Variants in ERBB2 observed in about 807,000 individuals in gnomAD.
The protein encoded by ERBB2 is receptor tyrosine-protein kinase erbB-2.
In ERBB2, 61 loss-of-function variants were observed where a neutral mutation model predicts 149.0. That is an observed-to-expected ratio of 0.41 (90% confidence interval 0.33 to 0.51). The LOEUF is 0.51. ERBB2 is among the 20% of genes least tolerant of loss of function. The pLI is 0.25. For missense variants in ERBB2, 1,205 were observed against 1,655.1 expected, an observed-to-expected ratio of 0.73 and a Z score of 4.72; for synonymous variants, 633 against 678.8, an observed-to-expected ratio of 0.93 and a Z score of 1.05.
In ERBB2 at chr17:39,725,170, T is replaced by G. The variant is rs2145867039; in HGVS notation, c.2615T>G (p.Ile872Ser). 6.2e-7 allele frequency: 1 copy of G among 1,614,004 alleles called. No individual in the cohort carries two copies. Among genetic ancestry groups the G allele is most frequent in the Non-Finnish European group, 8.5e-7 (1 of 1,180,008 alleles). The change falls in exon 21 of 27, where the codon ATT (isoleucine) becomes AGT (serine). Residue 872 changes from isoleucine (I) to serine (S), a missense_variant. Physicochemically the swap from Ile to Ser is moderately radical, Grantham distance 142. This residue lies in a region of ERBB2 where 152 missense variants were observed against 318.1 expected (regional missense o/e 0.48). Coordinates refer to ENST00000269571, the MANE Select transcript of ERBB2 (RefSeq NM_004448.4). This position sits in a 1 kb window ranked among gnomAD's most constrained non-coding sequence, Gnocchi z 4.6. ...TTCGGGCTGGCTCGGCTGCTGGACATTGACGAGACAGAGTACCATGCAGAT... is the reference window on the plus strand; with the variant it reads ...TTCGGGCTGGCTCGGCTGCTGGACAGTGACGAGACAGAGTACCATGCAGAT... ...TDFGLARLLD[I>S]DETEYHADGG...
Position 39,726,537 on chromosome 17 carries a change from C to T in ERBB2, c.2873-25C>T, listed in dbSNP as rs2143126879. ...GCAAGCACACAGGGCCTGGGACTAG[C>T]ATGCTGACCTCCCTCCTGCCCCAGG... On this transcript the variant is annotated intron_variant, in intron 23 of 26. Coordinates refer to ENST00000269571, the MANE Select transcript of ERBB2 (RefSeq NM_004448.4). This position sits in a 1 kb window ranked among gnomAD's most constrained non-coding sequence, Gnocchi z 5.1. 1 of 1,596,062 alleles carries T rather than the reference C, an allele frequency of 6.3e-7. No homozygotes were observed. The highest frequency in any genetic ancestry group is 1.1e-5 in the South Asian group (1 of 90,644).
chr17:39,722,460 C>T (rs2059502497), intron 16 of ERBB2, among the ~76,000 whole-genome samples: 1 of 151,984 alleles, frequency 6.6e-6, no homozygotes, highest in Non-Finnish European at 1.5e-5. Context: ...CATGATCTCA[C>T]CACTGCACTC....
At chr17:39,694,248 TA>T, upstream of ERBB2, among the ~76,000 whole-genome samples, 1 of 27,236 alleles carries the variant, frequency 3.7e-5, no homozygotes, top group African/African-American at 1.0e-4. Context: ...TATATATATA[TA>T]TATATATATA....
rs1414379494 is a variant in ERBB2 at position 39,725,970 on chromosome 17, T to C, written c.2872+117T>C. 2 of 1,087,766 alleles carry C rather than the reference T, an allele frequency of 1.8e-6. No homozygotes were observed. Among genetic ancestry groups the C allele is most frequent in the East Asian group, 4.9e-5 (2 of 40,876 alleles). The allele number at this position is 1,087,766 out of a possible 1,614,324, so 67.4% of individuals were successfully genotyped here. A position where few individuals can be genotyped will look rare whatever the true frequency, so the allele number is the denominator to read the frequency against. On this transcript the variant is annotated intron_variant, in intron 23 of 26. Transcript: ENST00000269571. This position sits in a 1 kb window ranked among gnomAD's most constrained non-coding sequence, Gnocchi z 4.6. ...ATGTAGACCCAGGAGCCCTAGTATG[T>C]TAGGAGCCTCAAAACCTTCTTGTAT... is the stretch of plus-strand genomic sequence containing the variant.
At chr17:39,719,886 G>A (rs2145752087) in intron 16 of ERBB2, 52 bp downstream of exon 16, 2 of 1,565,922 alleles carry the variant, frequency 1.3e-6, no homozygotes, top group Admixed American at 3.3e-5. Context: ...TCCCCCACTG[G>A]ATGCTGGGTG....
intron 9 of ERBB2, among the ~76,000 whole-genome samples, chr17:39,713,742 G>T (rs1461187340): frequency 1.4e-5 from 2 of 142,396 alleles, no homozygotes; most frequent in Non-Finnish European, 3.0e-5. Context: ...GACAGAGTGA[G>T]ACCCTGTCTC....
rs377602610 is a variant in ERBB2 at position 39,726,986 on chromosome 17, C to T, written c.3142C>T (p.Arg1048Cys). ...GAGGMVHHRH[R>C]SSSTRSGGGD... ...TGGGGGCATGGTCCACCACAGGCAC[C>T]GCAGCTCATCTACCAGGGTCAGTGC... The change falls in exon 25 of 27, where the codon CGC becomes TGC. Residue 1048 changes from arginine to cysteine, a missense_variant. By Grantham distance (180) the Arg-to-Cys change is radical (BLOSUM62 -3). Around this residue, in one of 6 missense-constraint regions of ERBB2, gnomAD observed 312 missense variants for 343.8 expected, o/e 0.91. Coordinates refer to ENST00000269571, the MANE Select transcript of ERBB2 (RefSeq NM_004448.4). This position sits in a 1 kb window ranked among gnomAD's most constrained non-coding sequence, Gnocchi z 5.1. 3.5e-5 allele frequency: 56 copies of T among 1,601,760 alleles called. No individual in the cohort carries two copies. The highest frequency in any genetic ancestry group is 3.1e-4 in the African/African-American group (23 of 74,566).
intron 19 of ERBB2, 101 bp downstream of exon 19, chr17:39,724,111 T>G: frequency 1.3e-6 from 1 of 783,432 alleles, no homozygotes; most frequent in Admixed American, 2.7e-5. Flanking sequence ...GAGATATGAC[T>G]CCCGCAAACC....
At chr17:39,692,562 C>T (rs1041819498), upstream of ERBB2, among the ~76,000 whole-genome samples, 5 of 151,988 alleles carry the variant, frequency 3.3e-5, no homozygotes, top group South Asian at 4.1e-4. Flanking sequence ...TGCGCCTCCA[C>T]GCCTGGCTAA....
chr17:39,702,901 G>T (rs2058193898), intron 1 of ERBB2, among the ~76,000 whole-genome samples: 1 of 152,242 alleles, frequency 6.6e-6, no homozygotes, highest in Admixed American at 6.5e-5. Context: ...ACTCTGAAGA[G>T]GAGGCATTAA....
At chr17:39,724,215 C>A (rs2059608201) in intron 19 of ERBB2, among the ~76,000 whole-genome samples, 2 of 150,412 alleles carry the variant, frequency 1.3e-5, no homozygotes, top group African/African-American at 4.9e-5. Context: ...ACCTCCTGGA[C>A]TCAAGCGATT....
At chr17:39,716,114 C>G in intron 12 of ERBB2, 175 bp downstream of exon 12, 2 of 953,508 alleles carry the variant, frequency 2.1e-6, no homozygotes, top group Non-Finnish European at 3.1e-6. Context: ...CTAGCTGGGT[C>G]CTACCTGCCT....
chr17:39,691,928 C>CATATATATATAT (rs1459402681), upstream of ERBB2, among the ~76,000 whole-genome samples: 4 of 93,640 alleles, frequency 4.3e-5, no homozygotes, highest in African/African-American at 1.5e-4. Flanking sequence ...TATACATATA[C>CATATATATATAT]ATATACATAT....
chr17:39,727,125 CA>C lies in ERBB2; in HGVS notation c.3159+128del. 3 of 1,245,306 alleles carry C rather than the reference CA, an allele frequency of 2.4e-6. No homozygotes were observed. The highest frequency in any genetic ancestry group is 1.5e-5 in the African/African-American group (1 of 66,180). The allele number at this position is 1,245,306 out of a possible 1,614,324, so 77.1% of individuals were successfully genotyped here. On this transcript the variant is annotated intron_variant, in intron 25 of 26. Coordinates refer to ENST00000269571, the MANE Select transcript of ERBB2 (RefSeq NM_004448.4). This position sits in a 1 kb window ranked among gnomAD's most constrained non-coding sequence, Gnocchi z 4.3. ...TCTCAAGGAAACCCCATTATCCCTA[CA>C]AAAAATTCTTACTGCCTTCCAACCC...
chr17:39,711,449 C>T (rs1190815572), intron 7 of ERBB2, among the ~76,000 whole-genome samples: 2 of 152,196 alleles, frequency 1.3e-5, no homozygotes, highest in African/African-American at 4.8e-5. Context: ...GCCTTGGTCT[C>T]CCAAAGTGCT....
Position 39,715,310 on chromosome 17 carries a change from G to C in ERBB2, c.1173G>C (p.Pro391=), listed in dbSNP as rs769257889. The part of the protein sequence containing the change: ...FDGDPASNTA[P]LQPEQLQVFE... ...GGGACCCAGCCTCCAACACTGCCCC[G>C]CTCCAGCCAGAGCAGCTCCAAGTGT... The change falls in exon 10 of 27, where the codon CCG becomes CCC. Residue 391 remains proline (P), a synonymous_variant. Coordinates refer to ENST00000269571, the MANE Select transcript of ERBB2 (RefSeq NM_004448.4). 2.5e-6 allele frequency: 4 copies of C among 1,613,820 alleles called. No individual in the cohort carries two copies. In the African/African-American group the frequency reaches 5.3e-5, roughly 22 times the overall value.
chr17:39,694,076 A>C (rs1230007493), upstream of ERBB2, among the ~76,000 whole-genome samples: 2 of 144,800 alleles, frequency 1.4e-5, no homozygotes, highest in Admixed American at 6.9e-5. Context: ...TCCCAGTAAT[A>C]CCAGCTACTC....
At chr17:39,718,819 T>C (rs1313065813) in intron 15 of ERBB2, among the ~76,000 whole-genome samples, 1 of 152,224 alleles carries the variant, frequency 6.6e-6, no homozygotes, top group Non-Finnish European at 1.5e-5. Context: ...TGTTTCCCTG[T>C]TTTTGCAGTT....
chr17:39,708,225 G>A (rs2058574710), intron 2 of ERBB2, 96 bp from the exon 3 acceptor site: 5 of 846,336 alleles, frequency 5.9e-6, no homozygotes, highest in Non-Finnish European at 9.4e-6. Context: ...GTGGCTGGGG[G>A]CCTTGCCCAA....
Sources: allele counts gnomAD v4.1 joint callset (sites outside exome capture counted in the v4.1 genomes callset), GRCh38; gene constraint gnomAD v4.1.1; regional missense constraint gnomAD v4.1.1; non-coding constraint Gnocchi (gnomAD v3.1); transcripts MANE v1.5; gene names NCBI Gene and HGNC (gene_info 2026-07-23, HGNC 2026-07-21).